Variants in ADD3 observed in about 807,000 individuals in gnomAD.
ADD3 encodes gamma-adducin.
Under a neutral mutation model 80.2 loss-of-function variants are expected in ADD3, and 25 were observed. That is an observed-to-expected ratio of 0.31 (90% CI 0.23 to 0.44). The LOEUF (loss-of-function observed/expected upper bound fraction) is 0.44, where lower values mean the gene tolerates loss of function less well. ADD3 is among the 20% of genes least tolerant of loss of function. The pLI, the probability that ADD3 is intolerant of heterozygous loss-of-function variation, is 1.00. For missense variants in ADD3, 829 were observed against 847.5 expected (o/e 0.98, Z 0.27); for synonymous variants, 284 against 289.6 (o/e 0.98, Z 0.20).
chr10:110,103,605 T>A (rs1260234328), intron 2 of ADD3, among the ~76,000 whole-genome samples: 1 of 152,212 alleles, frequency 6.6e-6, no homozygotes, highest in African/African-American at 2.4e-5. Context: ...TCTGCCATAT[T>A]TATTAGTTAG....
At chr10:110,008,673 T>G (rs1453792939) in intron 1 of ADD3, among the ~76,000 whole-genome samples, 2 of 152,158 alleles carry the variant, frequency 1.3e-5, no homozygotes, top group Non-Finnish European at 2.9e-5. Flanking sequence ...CCCGGGGACC[T>G]TAAGCCCTGA....
chr10:110,045,545 A>G (rs1319627056), intron 1 of ADD3, among the ~76,000 whole-genome samples: 1 of 152,216 alleles, frequency 6.6e-6, no homozygotes, highest in East Asian at 1.9e-4. Flanking sequence ...AATTTTCAGT[A>G]CATGTTTTGG....
At chr10:110,123,995 A>G (rs1294862132) in intron 9 of ADD3, 22 bp from the exon 10 acceptor site, 3 of 1,607,892 alleles carry the variant, frequency 1.9e-6, no homozygotes. Context: ...GATGCTTCAA[A>G]TGTGGCTTTT....
At chr10:110,063,769 ATATATATATAT>A (rs1564914306) in intron 1 of ADD3, among the ~76,000 whole-genome samples, 13 of 94,562 alleles carry the variant, frequency 1.4e-4, no homozygotes, top group African/African-American at 4.3e-4. Flanking sequence ...ATATATATAT[ATATATATATAT>A]ATAAAGTGAA....
intron 1 of ADD3, among the ~76,000 whole-genome samples, chr10:110,018,759 C>T (rs1457098088): frequency 5.3e-5 from 8 of 152,144 alleles, no homozygotes; most frequent in Admixed American, 3.3e-4. Context: ...CATTTAACAG[C>T]TACAGCAAAG....
chr10:110,122,009 T>C (rs1851568152), intron 8 of ADD3, 101 bp from the exon 9 acceptor site: 1 of 1,004,784 alleles, frequency 1.0e-6, no homozygotes, highest in Admixed American at 2.5e-5. Flanking sequence ...GAGCAAGTAT[T>C]ATAGATATTT....
At chr10:110,102,817 T>A (rs1272261965) in intron 2 of ADD3, among the ~76,000 whole-genome samples, 1 of 152,262 alleles carries the variant, frequency 6.6e-6, no homozygotes, top group Non-Finnish European at 1.5e-5. Flanking sequence ...GGTTTTTGTC[T>A]TATAGTTTGC....
At chr10:110,063,116 G>T (rs1201407008) in intron 1 of ADD3, among the ~76,000 whole-genome samples, 4 of 152,056 alleles carry the variant, frequency 2.6e-5, no homozygotes, top group Non-Finnish European at 4.4e-5. Context: ...CGACTAGAAG[G>T]CCTAATTTAG....
chr10:110,100,291 A>G (rs1277207973), intron 1 of ADD3, among the ~76,000 whole-genome samples: 1 of 145,074 alleles, frequency 6.9e-6, no homozygotes, highest in Non-Finnish European at 1.5e-5. Flanking sequence ...TGGAGGTTGC[A>G]TTGAGCCAAG....
intron 1 of ADD3, among the ~76,000 whole-genome samples, chr10:110,078,355 A>G (rs1467962395): frequency 6.6e-6 from 1 of 152,252 alleles, no homozygotes; most frequent in Non-Finnish European, 1.5e-5. Flanking sequence ...TATCCCAGCA[A>G]TGCTAAAGGG....
Position 110,125,935 on chromosome 10 carries a change from A to G in ADD3, c.1511A>G (p.Lys504Arg). 6.2e-7 allele frequency: 1 copy of G among 1,605,350 alleles called. No homozygotes were observed. The highest frequency in any genetic ancestry group is 8.5e-7 in the Non-Finnish European group (1 of 1,174,330). Residue 504 changes from lysine (K) to arginine (R), a missense_variant, in exon 11 of 15, where the codon AAG (lysine) becomes AGG (arginine). By Grantham distance (26) the Lys-to-Arg change is conservative. Transcript: ENST00000356080. ...LNTNPNEVLE[K>R]RNKIREQNRY... The stretch of plus-strand genomic sequence containing the variant: ...ACAAACCCGAATGAGGTACTAGAAA[A>G]GAGAAATAAGGTAAGACATGGTCTT...
chr10:110,063,740 TATATATATATATATATATA>T (rs1843515779), intron 1 of ADD3, among the ~76,000 whole-genome samples: 1 of 21,998 alleles, frequency 4.5e-5, no homozygotes, highest in Admixed American at 8.0e-4. Context: ...ATATTCATTA[TATATATATATATATATATA>T]TATATATATA....
At chr10:110,067,935 T>G (rs2133600356) in intron 1 of ADD3, among the ~76,000 whole-genome samples, 1 of 152,350 alleles carries the variant, frequency 6.6e-6, no homozygotes, top group East Asian at 1.9e-4. Flanking sequence ...TGTTTAATAT[T>G]TTTTAAAGGG....
At chr10:110,092,107 G>A (rs1847589594) in intron 1 of ADD3, among the ~76,000 whole-genome samples, 1 of 152,174 alleles carries the variant, frequency 6.6e-6, no homozygotes, top group South Asian at 2.1e-4. Context: ...CGAGGTTGTG[G>A]AGAAAACGGA....
chr10:110,021,606 A>G (rs1853683867), intron 1 of ADD3, among the ~76,000 whole-genome samples: 2 of 152,230 alleles, frequency 1.3e-5, no homozygotes, highest in African/African-American at 2.4e-5. Flanking sequence ...AAAGCCAGAT[A>G]CACAAGGCCA....
chr10:110,063,220 A>G (rs1190874739), intron 1 of ADD3, among the ~76,000 whole-genome samples: 1 of 152,218 alleles, frequency 6.6e-6, no homozygotes, highest in Non-Finnish European at 1.5e-5. Flanking sequence ...GAATTCAGAC[A>G]ACAGAATGCA....
chr10:110,129,470 CTG>C (rs1852658667), intron 12 of ADD3, among the ~76,000 whole-genome samples: 1 of 132,666 alleles, frequency 7.5e-6, no homozygotes, highest in African/African-American at 4.3e-5. Context: ...TCTCAAGCCT[CTG>C]ATCTTCTGCA....
chr10:110,133,217 G>T, intron 14 of ADD3, 109 bp from the exon 15 acceptor site: 1 of 1,074,748 alleles, frequency 9.3e-7, no homozygotes, highest in Non-Finnish European at 1.3e-6. Flanking sequence ...TGTCTTCATT[G>T]GAATCAAAGT....
rs143984499 is a variant in ADD3 at position 110,115,407 on chromosome 10, G to A, written c.335-852G>A. On this transcript the variant is annotated intron_variant, in intron 3 of 14. Coordinates refer to ENST00000356080, the MANE Select transcript of ADD3 (RefSeq NM_016824.5). ...TCCGTCTCAAAAAAAAACAAAACAA[G>A]CAGGCTGGAAAATGGGGAGGAGGAC... Among the ~76,000 whole-genome samples the A allele has an allele frequency of 5.3e-3, 812 of 151,898 alleles. 6 individuals are homozygous for A. The highest frequency in any genetic ancestry group is 0.019 in the African/African-American group (780 of 41,384).
Sources: gnomAD v4.1 joint callset for allele counts (sites outside exome capture counted in the v4.1 genomes callset) on GRCh38, gnomAD v4.1.1 for gene constraint, MANE v1.5 for transcripts, NCBI Gene and HGNC (gene_info 2026-07-23, HGNC 2026-07-21) for gene names.